Variants in ADCY10 observed in about 807,000 individuals in gnomAD.
ADCY10 encodes adenylate cyclase 10, also known as adenylate cyclase type 10.
ADCY10 carries 156 observed loss-of-function variants against 183.3 expected under a neutral mutation model. The observed-to-expected ratio is 0.85, with a 90% CI of 0.75 to 0.97. The LOEUF is 0.97. ADCY10 is among the 50% of genes least tolerant of loss of function. The pLI, the probability that ADCY10 is intolerant of heterozygous loss-of-function variation, is 0.00. For synonymous variants in ADCY10, 645 were observed against 670.0 expected (o/e 0.96, Z 0.58); for missense variants, 1,745 against 1,934.3 (o/e 0.90, Z 1.84).
At chr1:167,859,636 C>T (rs114732303) in intron 16 of ADCY10, among the ~76,000 whole-genome samples, 171 bp downstream of exon 16, 1 of 152,046 alleles carries the variant, frequency 6.6e-6, no homozygotes, top group African/African-American at 2.4e-5. Flanking sequence ...TCTAAACAGA[C>T]CTTTTGCTTG....
chr1:167,888,292 T>C (rs920623098), intron 8 of ADCY10, among the ~76,000 whole-genome samples: 2 of 152,306 alleles, frequency 1.3e-5, no homozygotes, highest in South Asian at 2.1e-4. Context: ...TTTTAGAATT[T>C]TTTTTTTCTA....
intron 8 of ADCY10, among the ~76,000 whole-genome samples, chr1:167,884,889 G>A (rs537815889): frequency 6.6e-6 from 1 of 151,972 alleles, no homozygotes; most frequent in South Asian, 2.1e-4. Flanking sequence ...GTAGAGACGG[G>A]GTTTCACTGT....
chr1:167,863,618 G>A (rs1033944400), intron 14 of ADCY10, among the ~76,000 whole-genome samples: 1 of 152,166 alleles, frequency 6.6e-6, no homozygotes, highest in Non-Finnish European at 1.5e-5. Context: ...ACAGATGGTC[G>A]AGGCAGCTCC....
At chr1:167,883,689 C>T (rs1166985910) in intron 8 of ADCY10, 61 bp from the exon 9 acceptor site, 9 of 1,515,452 alleles carry the variant, frequency 5.9e-6, no homozygotes, top group Admixed American at 5.0e-5. Context: ...CCCCCAACAC[C>T]GCCCCCACCT....
intron 14 of ADCY10, among the ~76,000 whole-genome samples, chr1:167,865,200 G>C (rs570270726): frequency 3.9e-4 from 59 of 152,110 alleles, no homozygotes; most frequent in Non-Finnish European, 7.2e-4. Flanking sequence ...AGATTAGAAG[G>C]AGGCATAAGA....
intron 13 of ADCY10, among the ~76,000 whole-genome samples, chr1:167,874,229 G>A (rs1160655009): frequency 2.6e-5 from 4 of 152,144 alleles, no homozygotes; most frequent in African/African-American, 9.7e-5. Flanking sequence ...TACTCAGGAG[G>A]CTGAGTCCTG....
intron 31 of ADCY10, among the ~76,000 whole-genome samples, chr1:167,812,911 G>A (rs1662309065): frequency 6.6e-6 from 1 of 151,990 alleles, no homozygotes; most frequent in Non-Finnish European, 1.5e-5. Flanking sequence ...AATTAAACAG[G>A]GAGCAGACTT....
chr1:167,868,288 G>T (rs1456967777), intron 14 of ADCY10, among the ~76,000 whole-genome samples: 2 of 152,134 alleles, frequency 1.3e-5, no homozygotes, highest in Non-Finnish European at 2.9e-5. Context: ...AGTGCCTACA[G>T]ACCCAGTTCC....
Position 167,880,260 on chromosome 1 carries a change from G to T in ADCY10, c.1140-69C>A. ...AATGAGCGTAGAGAAAGTGGGAAGG[G>T]TGGGAAATAATGTCTGGGTTGGGAA... On this transcript the variant is annotated intron_variant, in intron 10 of 32. Transcript: ENST00000367851. 2.2e-6 allele frequency: 3 copies of T among 1,389,160 alleles called. No homozygotes were observed. The South Asian group carries it at 3.6e-5, about 17-fold the overall frequency. 86.1% of individuals were successfully genotyped at this position (1,389,160 alleles called of 1,614,324 possible). A position where few individuals can be genotyped will look rare whatever the true frequency, so the allele number is the denominator to read the frequency against.
At chr1:167,822,676 A>C (rs959154510) in intron 29 of ADCY10, among the ~76,000 whole-genome samples, 3 of 152,202 alleles carry the variant, frequency 2.0e-5, no homozygotes, top group Non-Finnish European at 4.4e-5. Context: ...CTCTAAGTAC[A>C]TCCTGCTAAA....
At chr1:167,855,915 A>T (rs1435963237) in intron 17 of ADCY10, among the ~76,000 whole-genome samples, 1 of 152,182 alleles carries the variant, frequency 6.6e-6, no homozygotes, top group Non-Finnish European at 1.5e-5. Context: ...AGGCAGGAGG[A>T]TGGCTTGAGC....
chr1:167,899,248 G>T (rs867577186), intron 6 of ADCY10, among the ~76,000 whole-genome samples, 175 bp downstream of exon 6: 14 of 152,124 alleles, frequency 9.2e-5, no homozygotes, highest in African/African-American at 3.1e-4. Context: ...ACCAGCCTGG[G>T]CTCCTCCCAG....
intron 21 of ADCY10, among the ~76,000 whole-genome samples, chr1:167,843,822 G>C (rs1338948750): frequency 1.3e-5 from 2 of 152,234 alleles, no homozygotes; most frequent in East Asian, 3.9e-4. Context: ...ACCTCACCAG[G>C]CTTGAGGTGA....
At chr1:167,890,271 C>T (rs186550062) in intron 8 of ADCY10, among the ~76,000 whole-genome samples, 13 of 152,302 alleles carry the variant, frequency 8.5e-5, no homozygotes, top group South Asian at 2.1e-4. Context: ...TACAGAGCAC[C>T]GCAAGTGCAG....
chr1:167,865,456 C>T (rs1666612370), intron 14 of ADCY10, among the ~76,000 whole-genome samples: 1 of 152,146 alleles, frequency 6.6e-6, no homozygotes, highest in Non-Finnish European at 1.5e-5. Flanking sequence ...AAAAACTTAC[C>T]TTATGGTCAA....
intron 25 of ADCY10, among the ~76,000 whole-genome samples, chr1:167,832,341 A>G (rs1164083787): frequency 1.3e-5 from 2 of 152,206 alleles, no homozygotes; most frequent in African/African-American, 4.8e-5. Context: ...AATGCACTCA[A>G]CACCTACCTT....
chr1:167,856,582 A>G, intron 16 of ADCY10, 143 bp from the exon 17 acceptor site: 3 of 826,348 alleles, frequency 3.6e-6, no homozygotes, highest in South Asian at 1.6e-5. Flanking sequence ...TTTTCTTTCC[A>G]GTAACTTTGC....
At chr1:167,846,375 G>A in intron 19 of ADCY10, 112 bp from the exon 20 acceptor site, 1 of 1,320,658 alleles carries the variant, frequency 7.6e-7, no homozygotes, top group South Asian at 1.2e-5. Context: ...CTTGTTGCAA[G>A]AAACTCAGCC....
At chr1:167,857,097 C>T (rs901131222) in intron 16 of ADCY10, among the ~76,000 whole-genome samples, 5 of 152,194 alleles carry the variant, frequency 3.3e-5, no homozygotes, top group African/African-American at 1.2e-4. Flanking sequence ...GGAATACAGT[C>T]TCAAACAAAA....
Sources: allele counts gnomAD v4.1 joint callset (sites outside exome capture counted in the v4.1 genomes callset), GRCh38; gene constraint gnomAD v4.1.1; transcripts MANE v1.5; gene names NCBI Gene and HGNC (gene_info 2026-07-23, HGNC 2026-07-21).